The following PIEZO1 variants were observed in gnomAD, a reference collection of about 807,000 sequenced individuals.
PIEZO1 encodes piezo-type mechanosensitive ion channel component 1.
PIEZO1 carries 296 observed loss-of-function variants against 297.2 expected under a neutral mutation model. The ratio of observed to expected loss-of-function variants is 1.00; its 90% CI spans 0.91 to 1.10. The LOEUF is 1.10. Among genes scored for constraint, PIEZO1 ranks in the 50% least tolerant of loss-of-function variants. The pLI is 0.00. For missense variants in PIEZO1, 5,018 were observed against 3,455.5 expected (o/e 1.45, Z -11.34); for synonymous variants, 2,427 against 1,507.5 (o/e 1.61, Z -14.13).
chr16:88,726,874 G>C lies in PIEZO1; in HGVS notation c.3540C>G (p.Thr1180=). ...AGCCCAGCCCGAAGATGCTGATGCG[G>C]GTGGCCCCCGTGACAAACACCACCA... ...VLVVVFVTGA[T]RISIFGLGYL... Residue 1180 remains threonine (T), a synonymous_variant, in exon 25 of 51, where the codon ACC becomes ACG. Coordinates refer to ENST00000301015, the MANE Select transcript of PIEZO1 (RefSeq NM_001142864.4). 1 of 1,550,400 alleles carries C rather than the reference G, an allele frequency of 6.4e-7. No individual in the cohort carries two copies. Among genetic ancestry groups the C allele is most frequent in the Non-Finnish European group, 8.7e-7 (1 of 1,146,920 alleles).
At position 88,752,780 on chromosome 16, in the gene PIEZO1, C is replaced by T. The variant is rs1009108182; in HGVS notation, c.65-3301G>A. ...GGTTCCCCGGCAGGCCAACGTCACC[C>T]GGCAGGGCAAGTCCCCTGCCTGAGA... On this transcript the variant is annotated intron_variant, in intron 1 of 50. Coordinates refer to ENST00000301015, the MANE Select transcript of PIEZO1 (RefSeq NM_001142864.4). Among the ~76,000 whole-genome samples, 5 of 147,864 alleles carry T rather than the reference C, an allele frequency of 3.4e-5. No individual in the cohort carries two copies. The South Asian group carries it at 6.2e-4, about 18-fold the overall frequency.
rs757281071 is a variant in PIEZO1 at position 88,726,675 on chromosome 16, G to A, written c.3700-32C>T. On this transcript the variant is annotated intron_variant, in intron 25 of 50. Transcript: ENST00000301015. Reference sequence around the variant, plus strand: ...GAGAGCAGGGTCAGCGGGGCCAGCGGGGCCCCAGGGCGGTGGGTGCGGGGG... The same window carrying A: ...GAGAGCAGGGTCAGCGGGGCCAGCGAGGCCCCAGGGCGGTGGGTGCGGGGG... 6.6e-5 allele frequency: 102 copies of A among 1,547,048 alleles called. 1 individual carries two copies. The highest frequency in any genetic ancestry group is 8.7e-5 in the Non-Finnish European group (100 of 1,144,738).
rs888002218 is a variant in PIEZO1, at chr16:88,720,675, G to A, written c.5742C>T (p.Ser1914=). ...EAPTGREKRP[S]RSGGRVRAAG... ...CCGCCCTTACTCTTCCTCCAGAGCG[G>A]CTTGGCCTCTTCTCTCTCCCCGTGG... is the stretch of plus-strand genomic sequence containing the variant. Residue 1914 remains serine, a synonymous_variant, in exon 40 of 51, where the codon AGC becomes AGT. Transcript: ENST00000301015. 3 of 1,546,714 alleles carry A rather than the reference G, an allele frequency of 1.9e-6. No homozygotes were observed. The highest frequency in any genetic ancestry group is 2.7e-5 in the African/African-American group (2 of 73,000).
intron 1 of PIEZO1, among the ~76,000 whole-genome samples, chr16:88,766,056 C>A (rs1223735773): frequency 1.3e-5 from 2 of 152,192 alleles, no homozygotes. Context: ...CGGCTGTGTT[C>A]TCAGTCGGCA....
intron 1 of PIEZO1, among the ~76,000 whole-genome samples, chr16:88,753,323 G>A (rs78976235): frequency 0.021 from 1,490 of 71,470 alleles, 43 homozygotes; most frequent in African/African-American, 0.071. Context: ...TCCCGCCCCC[G>A]GAGCACACCT....
At chr16:88,748,890 G>C (rs776100661) in intron 2 of PIEZO1, among the ~76,000 whole-genome samples, 16 of 140,920 alleles carry the variant, frequency 1.1e-4, no homozygotes, top group Non-Finnish European at 2.1e-4. Flanking sequence ...CCAAGATTGT[G>C]CCACTGCACT....
chr16:88,735,070 G>A lies in PIEZO1; in HGVS notation c.1670-17C>T. 2 of 1,550,176 alleles carry A rather than the reference G, an allele frequency of 1.3e-6. No individual in the cohort carries two copies. Among genetic ancestry groups the A allele is most frequent in the Non-Finnish European group, 8.7e-7 (1 of 1,146,794 alleles). On this transcript the variant is annotated splice_polypyrimidine_tract_variant and intron_variant, in intron 13 of 50. Coordinates refer to ENST00000301015, the MANE Select transcript of PIEZO1 (RefSeq NM_001142864.4). ...GCGTGGGCTCTGTGGGCCAAGCCAGGGGCAGGCGATGGCATCAGGGCGGGC... is the reference window on the plus strand; with the variant it reads ...GCGTGGGCTCTGTGGGCCAAGCCAGAGGCAGGCGATGGCATCAGGGCGGGC...
At position 88,721,796 on chromosome 16, in the gene PIEZO1, G is replaced by A. The variant is rs372430435; in HGVS notation, c.5214+12C>T. ...TGGGCCGGGCGCCCCCTCCCCCGCG[G>A]CCTCGGCCCACCTCGGTGAAGACGA... On this transcript the variant is annotated intron_variant, in intron 37 of 50. Transcript: ENST00000301015. The A allele has an allele frequency of 6.5e-7, 1 of 1,539,830 alleles. No homozygotes were observed. Among genetic ancestry groups the A allele is most frequent in the African/African-American group, 1.4e-5 (1 of 73,018 alleles).
At chr16:88,731,623 G>A (rs1242070834) in intron 22 of PIEZO1, 83 bp downstream of exon 22, 1 of 1,044,592 alleles carries the variant, frequency 9.6e-7, no homozygotes, top group South Asian at 1.5e-5. Context: ...GGGTGGACAG[G>A]AGTCTGGGGC....
chr16:88,716,145 A>C, intron 49 of PIEZO1, 26 bp from the exon 50 acceptor site: 1 of 1,530,302 alleles, frequency 6.5e-7, no homozygotes, highest in Non-Finnish European at 8.8e-7. Flanking sequence ...AAGATCGTTG[A>C]GGCCGCAGGT....
At chr16:88,774,823 A>G (rs927639230) in intron 1 of PIEZO1, among the ~76,000 whole-genome samples, 43 of 152,204 alleles carry the variant, frequency 2.8e-4, no homozygotes, top group Admixed American at 2.0e-4. Flanking sequence ...CGGTGCCCAC[A>G]TGGTCTAAGA....
intron 1 of PIEZO1, among the ~76,000 whole-genome samples, chr16:88,759,943 C>A (rs1906850157): frequency 1.3e-5 from 2 of 152,152 alleles, no homozygotes; most frequent in African/African-American, 4.8e-5. Context: ...CGGCCAGGCC[C>A]ACCTTCACCA....
Position 88,723,081 on chromosome 16 carries a change from C to G in PIEZO1, c.4495+14G>C, listed in dbSNP as rs1041112222. ...AAGAGAGACCTCCCACTCCCCAGCCCCGGGCCCACGTACCTGCCGCTGCCT... is the reference window on the plus strand; with the variant it reads ...AAGAGAGACCTCCCACTCCCCAGCCGCGGGCCCACGTACCTGCCGCTGCCT... On this transcript the variant is annotated intron_variant, in intron 33 of 50. Coordinates refer to ENST00000301015, the MANE Select transcript of PIEZO1 (RefSeq NM_001142864.4). The G allele has an allele frequency of 2.6e-6, 4 of 1,545,892 alleles. No homozygotes were observed. Among genetic ancestry groups the G allele is most frequent in the African/African-American group, 2.8e-5 (2 of 72,064 alleles).
Position 88,737,513 on chromosome 16 carries a change from C to T in PIEZO1, c.1195+46G>A, listed in dbSNP as rs767346124. The stretch of plus-strand genomic sequence containing the variant: ...CACCAGGGGGCAGCACCGGCCTCCG[C>T]CCCGCCCCCCGCACCCAGCCATACC... On this transcript the variant is annotated intron_variant, in intron 10 of 50. Transcript: ENST00000301015. 7.4e-6 allele frequency: 10 copies of T among 1,343,570 alleles called. No homozygotes were observed. The South Asian group carries it at 9.0e-5, about 12-fold the overall frequency. 83.2% of individuals were successfully genotyped at this position (1,343,570 alleles called of 1,614,324 possible).
rs1187282669 is a variant in PIEZO1 at position 88,736,244 on chromosome 16, G to A, written c.1461C>T (p.Asp487=). ...LCCLRYVWAM[D]LRPELPTTLG... is the part of the protein sequence containing the mutation. The stretch of plus-strand genomic sequence containing the variant: ...GGGTGGTGGGCAGCTCAGGGCGCAG[G>A]TCCATGGCCCACACGTAGCGTAGGC... Residue 487 remains aspartate (D), a synonymous_variant, in exon 12 of 51, where the codon GAC becomes GAT. Coordinates refer to ENST00000301015, the MANE Select transcript of PIEZO1 (RefSeq NM_001142864.4). 3.9e-6 allele frequency: 6 copies of A among 1,550,114 alleles called. No individual in the cohort carries two copies. The South Asian group carries it at 5.9e-5, about 15-fold the overall frequency.
chr16:88,732,031 A>C, intron 21 of PIEZO1, 121 bp from the exon 22 acceptor site: 1 of 43,278 alleles, frequency 2.3e-5, no homozygotes, highest in Non-Finnish European at 4.0e-5. Flanking sequence ...GGCATCAAGC[A>C]AGGACAGGGC....
At position 88,784,908 on chromosome 16, in the gene PIEZO1, C is replaced by T. The variant is rs1480373460; in HGVS notation, c.57G>A (p.Leu19=). ...CGCCCGCCCCCCACTCACCAGCCAG[C>T]AGCGCGCAGGGCAGCAGCAGCCAGT... The part of the protein sequence containing the change: ...VLYWLLLPCA[L]LAACLLRFSG... Residue 19 remains leucine, a synonymous_variant, in exon 1 of 51, where the codon CTG becomes CTA. Coordinates refer to ENST00000301015, the MANE Select transcript of PIEZO1 (RefSeq NM_001142864.4). 1.4e-6 allele frequency: 2 copies of T among 1,436,886 alleles called. No homozygotes were observed. Among genetic ancestry groups the T allele is most frequent in the Non-Finnish European group, 9.1e-7 (1 of 1,093,218 alleles). The allele number at this position is 1,436,886 out of a possible 1,614,324, so 89.0% of individuals were successfully genotyped here.
chr16:88,735,711 C>G (rs2879905), intron 12 of PIEZO1, among the ~76,000 whole-genome samples: 1 of 152,200 alleles, frequency 6.6e-6, no homozygotes, highest in Non-Finnish European at 1.5e-5. Context: ...CACATGGACA[C>G]GCAGGCACCC....
At chr16:88,760,944 C>T (rs893908747) in intron 1 of PIEZO1, among the ~76,000 whole-genome samples, 1 of 152,256 alleles carries the variant, frequency 6.6e-6, no homozygotes, top group African/African-American at 2.4e-5. Flanking sequence ...CAGGGTCCTG[C>T]AGGCCTGGTG....
Sources: allele counts gnomAD v4.1 joint callset (sites outside exome capture counted in the v4.1 genomes callset), GRCh38; gene constraint gnomAD v4.1.1; transcripts MANE v1.5; gene names NCBI Gene and HGNC (gene_info 2026-07-23, HGNC 2026-07-21).